Variants in GNA12 observed in about 807,000 individuals in gnomAD.
The protein encoded by GNA12 is guanine nucleotide-binding protein subunit alpha-12.
Under a neutral mutation model 26.0 loss-of-function variants are expected in GNA12, and 9 were observed. The observed-to-expected ratio is 0.35, with a 90% CI of 0.21 to 0.60. GNA12 has a LOEUF of 0.60. GNA12 is among the 20% of genes least tolerant of loss of function. GNA12 has a pLI of 0.78. For synonymous variants in GNA12, 264 were observed against 219.6 expected (o/e 1.20, Z -1.79); for missense variants, 405 against 525.8 (o/e 0.77, Z 2.25).
intron 1 of GNA12, among the ~76,000 whole-genome samples, chr7:2,804,154 G>C (rs1212467953): frequency 6.6e-6 from 1 of 152,212 alleles, no homozygotes; most frequent in Non-Finnish European, 1.5e-5. Flanking sequence ...TTCTAAGGGG[G>C]AAAAGCTTGC....
chr7:2,768,108 G>C (rs1791852505), intron 2 of GNA12, among the ~76,000 whole-genome samples: 1 of 152,282 alleles, frequency 6.6e-6, no homozygotes, highest in Admixed American at 6.5e-5. Flanking sequence ...ACCTGCCTTG[G>C]CCTCCCAAAG....
At position 2,750,925 on chromosome 7, in the gene GNA12, C is replaced by T. The variant is rs7791837; in HGVS notation, c.526-17424G>A. ...AAAGGTGGACAGATGGGAACAGAAG[C>T]GAGAGATATGCACACTCCAGGAGTG... On this transcript the variant is annotated intron_variant, in intron 2 of 3. Transcript: ENST00000275364. Among the ~76,000 whole-genome samples, 402 of 152,146 alleles carry T rather than the reference C, an allele frequency of 2.6e-3. 1 individual carries two copies. Among genetic ancestry groups the T allele is most frequent in the African/African-American group, 9.3e-3 (384 of 41,512 alleles).
rs77916138 is a variant in GNA12 at position 2,738,800 on chromosome 7, A to G, written c.526-5299T>C. ...ATAGGACAATAAGGTTAGAGGCGGA[A>G]CCTAGAATTCTGGCCTCCTCCTGTT... On this transcript the variant is annotated intron_variant, in intron 2 of 3. Coordinates refer to ENST00000275364, the MANE Select transcript of GNA12 (RefSeq NM_007353.3). 1.1e-3 allele frequency among the ~76,000 whole-genome samples: 164 copies of G among 152,338 alleles called. 3 individuals carry two copies. The East Asian group carries it at 0.03, about 28-fold the overall frequency.
chr7:2,830,971 A>G (rs1220581414), intron 1 of GNA12, among the ~76,000 whole-genome samples: 2 of 152,018 alleles, frequency 1.3e-5, no homozygotes, highest in African/African-American at 4.8e-5. Context: ...AACAAAAAAC[A>G]AAAGCTCCCA....
intron 1 of GNA12, among the ~76,000 whole-genome samples, chr7:2,824,338 C>T (rs1245517316): frequency 2.0e-5 from 3 of 152,180 alleles, no homozygotes; most frequent in African/African-American, 4.8e-5. Context: ...GGCCTGCACC[C>T]GCCTCTGCCC....
intron 1 of GNA12, among the ~76,000 whole-genome samples, chr7:2,807,182 G>A (rs1013537823): frequency 6.6e-6 from 1 of 152,158 alleles, no homozygotes; most frequent in African/African-American, 2.4e-5. Context: ...AAAATTTAGT[G>A]TATGTATACT....
chr7:2,841,143 TTTTC>T (rs1778977910), intron 1 of GNA12, among the ~76,000 whole-genome samples: 1 of 151,822 alleles, frequency 6.6e-6, no homozygotes, highest in Non-Finnish European at 1.5e-5. Flanking sequence ...GGAGGTTGAG[TTTTC>T]TTTTTTTCTT....
intron 2 of GNA12, among the ~76,000 whole-genome samples, chr7:2,755,429 T>C (rs1394910318): frequency 2.0e-5 from 3 of 152,192 alleles, no homozygotes; most frequent in African/African-American, 7.2e-5. Context: ...CTTGAGTGTT[T>C]CGTGCTTCTT....
chr7:2,801,350 C>T (rs527989835), intron 1 of GNA12, among the ~76,000 whole-genome samples: 4 of 152,304 alleles, frequency 2.6e-5, no homozygotes, highest in South Asian at 2.1e-4. Context: ...ATGTCAAAGA[C>T]GAAGTCAGGG....
intron 1 of GNA12, among the ~76,000 whole-genome samples, chr7:2,805,883 A>G (rs1056517465): frequency 6.6e-6 from 1 of 152,190 alleles, no homozygotes; most frequent in African/African-American, 2.4e-5. Context: ...TGTCCCAGCC[A>G]CGAGGGCCAC....
intron 2 of GNA12, among the ~76,000 whole-genome samples, chr7:2,757,597 C>A (rs537898237): frequency 9.2e-5 from 14 of 152,170 alleles, no homozygotes; most frequent in Admixed American, 9.2e-4. Context: ...GAGCACGTGG[C>A]GAACTCTGGA....
intron 1 of GNA12, among the ~76,000 whole-genome samples, chr7:2,811,247 A>G (rs770404965): frequency 6.6e-6 from 1 of 152,160 alleles, no homozygotes; most frequent in Non-Finnish European, 1.5e-5. Flanking sequence ...TGTGCACAAC[A>G]TCTACACCTG....
chr7:2,825,292 C>T (rs1045775717), intron 1 of GNA12, among the ~76,000 whole-genome samples: 1 of 152,184 alleles, frequency 6.6e-6, no homozygotes, highest in Non-Finnish European at 1.5e-5. Flanking sequence ...CTTGCCAGGA[C>T]TTCCCACTGG....
chr7:2,751,114 C>T (rs968657977), intron 2 of GNA12, among the ~76,000 whole-genome samples: 5 of 152,014 alleles, frequency 3.3e-5, no homozygotes, highest in Non-Finnish European at 5.9e-5. Flanking sequence ...AGGGCCGGGC[C>T]CGGGGGCACA....
chr7:2,784,089 CATTTT>C (rs535902905), intron 2 of GNA12, among the ~76,000 whole-genome samples: 2 of 152,148 alleles, frequency 1.3e-5, no homozygotes, highest in Non-Finnish European at 2.9e-5. Flanking sequence ...ATTTTTATCT[CATTTT>C]ATTTAATTTA....
chr7:2,792,887 A>G (rs1036618810), intron 2 of GNA12, among the ~76,000 whole-genome samples: 3 of 152,240 alleles, frequency 2.0e-5, no homozygotes, highest in African/African-American at 4.8e-5. Flanking sequence ...CAGGGTCTCA[A>G]TGTATCTCCC....
chr7:2,786,100 G>A (rs1286433625), intron 2 of GNA12, among the ~76,000 whole-genome samples: 1 of 152,128 alleles, frequency 6.6e-6, no homozygotes, highest in Non-Finnish European at 1.5e-5. Context: ...GCGGCATGAG[G>A]GAGGCCATGG....
chr7:2,835,630 A>C, intron 1 of GNA12: 1 of 781,924 alleles, frequency 1.3e-6, no homozygotes, highest in Non-Finnish European at 2.2e-6. Context: ...GATGGTGGCC[A>C]CCATGAAGAA....
At chr7:2,836,650 G>T (rs921265997) in intron 1 of GNA12, among the ~76,000 whole-genome samples, 41 of 152,198 alleles carry the variant, frequency 2.7e-4, no homozygotes, top group African/African-American at 9.4e-4. Flanking sequence ...AAGGCCAGGT[G>T]CGGTGGCCCA....
Sources: allele counts gnomAD v4.1 joint callset (sites outside exome capture counted in the v4.1 genomes callset), GRCh38; gene constraint gnomAD v4.1.1; transcripts MANE v1.5; gene names NCBI Gene and HGNC (gene_info 2026-07-23, HGNC 2026-07-21).